The following BRSK1 variants were observed in gnomAD, a reference collection of about 807,000 sequenced individuals.
BRSK1 encodes BR serine/threonine kinase 1, also known as serine/threonine-protein kinase BRSK1.
BRSK1 carries 17 observed loss-of-function variants against 86.2 expected under a neutral mutation model. The ratio of observed to expected loss-of-function variants is 0.20; its 90% CI spans 0.14 to 0.30. The LOEUF (loss-of-function observed/expected upper bound fraction) is 0.30. Ranked by LOEUF, BRSK1 falls within the 10% of genes least tolerant of loss-of-function variation. BRSK1 has a pLI of 1.00. For synonymous variants in BRSK1, 464 were observed against 440.1 expected (o/e 1.05, Z -0.68); for missense variants, 719 against 1,071.9 (o/e 0.67, Z 4.60).
rs2088273921 is a variant in BRSK1, at chr19:55,284,231, C to T, written c.-212C>T. On this transcript the variant is annotated 5_prime_UTR_variant, in exon 1 of 19. Coordinates refer to ENST00000309383, the MANE Select transcript of BRSK1 (RefSeq NM_032430.2). ...AGCCCCCCTGGGCCATGCTGACTCCCGGGGCCTGACCCCCCCGGGCCAGCC... is the reference window on the plus strand; with the variant it reads ...AGCCCCCCTGGGCCATGCTGACTCCTGGGGCCTGACCCCCCCGGGCCAGCC... The T allele has an allele frequency of 7.2e-6, 4 of 557,810 alleles. No homozygotes were observed. Among genetic ancestry groups the T allele is most frequent in the Non-Finnish European group, 1.1e-5 (4 of 376,750 alleles). The allele number at this position is 557,810 out of a possible 1,614,324, so 34.6% of individuals were successfully genotyped here.
Position 55,303,971 on chromosome 19 carries a change from C to T in BRSK1, c.1287-79C>T. 2 of 1,533,230 alleles carry T rather than the reference C, an allele frequency of 1.3e-6. No individual in the cohort carries two copies. Among genetic ancestry groups the T allele is most frequent in the South Asian group, 1.2e-5 (1 of 82,238 alleles). 95.0% of individuals were successfully genotyped at this position (1,533,230 alleles called of 1,614,324 possible). On this transcript the variant is annotated intron_variant, in intron 12 of 18. Transcript: ENST00000309383. This position sits in a 1 kb window ranked among gnomAD's most constrained non-coding sequence, Gnocchi z 5.1. Reference sequence around the variant, plus strand: ...GGCCTCATTTCCTCACCTGGAAGGACTGTAGAAGTGAGGGAACATCTGTGG... The same window carrying T: ...GGCCTCATTTCCTCACCTGGAAGGATTGTAGAAGTGAGGGAACATCTGTGG...
chr19:55,304,649 C>A lies in BRSK1; in HGVS notation c.1446C>A (p.Gly482=), dbSNP rs2088620892. 2 of 1,515,834 alleles carry A rather than the reference C, an allele frequency of 1.3e-6. No individual in the cohort carries two copies. Among genetic ancestry groups the A allele is most frequent in the South Asian group, 2.5e-5 (2 of 78,880 alleles). The allele number at this position is 1,515,834 out of a possible 1,614,324, so 93.9% of individuals were successfully genotyped here. A position where few individuals can be genotyped will look rare whatever the true frequency, so the allele number is the denominator to read the frequency against. The stretch of plus-strand genomic sequence containing the variant: ...AAACGCAGACGCTGCCTTCTCGGGG[C>A]CCCAGGGGTGGGGGCGCCGGGGAGC... ...TSKTQTLPSR[G]PRGGGAGEQP... is the part of the protein sequence containing the mutation. Residue 482 remains glycine, a synonymous_variant, in exon 14 of 19, where the codon GGC becomes GGA. Transcript: ENST00000309383. The surrounding 1 kb of genome is among the most constrained non-coding windows in gnomAD (Gnocchi z 5.2).
intron 4 of BRSK1, among the ~76,000 whole-genome samples, chr19:55,291,968 C>T (rs2088413195): frequency 1.3e-5 from 2 of 152,132 alleles, no homozygotes; most frequent in African/African-American, 4.8e-5. Flanking sequence ...CCATGTTGGC[C>T]AGGCTGGTCT....
rs914175568 is a variant in BRSK1, at chr19:55,286,949, G to T, written c.137-58G>T. 52 of 1,546,534 alleles carry T rather than the reference G, an allele frequency of 3.4e-5. No individual in the cohort carries two copies. The African/African-American group carries it at 6.1e-4, about 18-fold the overall frequency. On this transcript the variant is annotated intron_variant, in intron 1 of 18. Transcript: ENST00000309383. The stretch of plus-strand genomic sequence containing the variant: ...ACAGGGTGGCCAAGGGGGGACATAG[G>T]CGCTGGGGACGAAGGGGACCCGGCG...
intron 4 of BRSK1, among the ~76,000 whole-genome samples, chr19:55,290,876 C>T (rs942767533): frequency 6.6e-6 from 1 of 151,896 alleles, no homozygotes; most frequent in African/African-American, 2.4e-5. Context: ...CTCCTGACCT[C>T]GTAATCCGTC....
Position 55,304,608 on chromosome 19 carries a change from G to A in BRSK1, c.1405G>A (p.Gly469Ser). The change falls in exon 14 of 19, where the codon GGC (glycine) becomes AGC (serine). Residue 469 changes from glycine to serine, a missense_variant. Gly to Ser is a moderately conservative substitution (Grantham distance 56). Around this residue, in one of 6 missense-constraint regions of BRSK1, gnomAD observed 143 missense variants for 120.1 expected, o/e 1.19. Transcript: ENST00000309383. This position sits in a 1 kb window ranked among gnomAD's most constrained non-coding sequence, Gnocchi z 5.2. ...PGAGDEARGG[G>S]SPTSKTQTLP... ...GGCTGGAGATGAGGCTCGAGGCGGGGGCTCCCCGACTTCCAAAACGCAGAC... is the reference window on the plus strand; with the variant it reads ...GGCTGGAGATGAGGCTCGAGGCGGGAGCTCCCCGACTTCCAAAACGCAGAC... 6.4e-7 allele frequency: 1 copy of A among 1,568,608 alleles called. No homozygotes were observed. The highest frequency in any genetic ancestry group is 8.6e-7 in the Non-Finnish European group (1 of 1,159,118).
chr19:55,302,010 C>T lies in BRSK1; in HGVS notation c.826-127C>T. The T allele has an allele frequency of 8.9e-7, 1 of 1,129,832 alleles. No homozygotes were observed. 70.0% of individuals were successfully genotyped at this position (1,129,832 alleles called of 1,614,324 possible). On this transcript the variant is annotated intron_variant, in intron 8 of 18. Coordinates refer to ENST00000309383, the MANE Select transcript of BRSK1 (RefSeq NM_032430.2). The surrounding 1 kb of genome is among the most constrained non-coding windows in gnomAD (Gnocchi z 6.3). ...GCCACTAGAGGGCGATGTAATATGTCATCCTGCCCCCGGTGGGGTGGGCGG... is the reference window on the plus strand; with the variant it reads ...GCCACTAGAGGGCGATGTAATATGTTATCCTGCCCCCGGTGGGGTGGGCGG...
intron 7 of BRSK1, among the ~76,000 whole-genome samples, chr19:55,301,246 C>A (rs777076221): frequency 6.6e-6 from 1 of 152,184 alleles, no homozygotes; most frequent in African/African-American, 2.4e-5. Context: ...GAGAGACAAC[C>A]GTTTCGAAAC....
At chr19:55,286,957 G>A in intron 1 of BRSK1, 50 bp from the exon 2 acceptor site, 2 of 1,580,644 alleles carry the variant, frequency 1.3e-6, no homozygotes, top group Non-Finnish European at 1.7e-6. Flanking sequence ...AGGCGCTGGG[G>A]ACGAAGGGGA....
In BRSK1 at chr19:55,302,149, C is replaced by A; in HGVS notation, c.838C>A (p.Gln280Lys). ...PEKRLSLEQI[Q>K]KHPWYLGGKH... ...ACCACCCTCACAGCTGGAGCAAATT[C>A]AGAAACATCCTTGGTACCTGTGAGT... The change falls in exon 9 of 19, where the codon CAG (glutamine) becomes AAG (lysine). Residue 280 changes from glutamine (Q) to lysine (K), a missense_variant. Physicochemically the swap from Gln to Lys is moderately conservative, Grantham distance 53 (BLOSUM62 1). Transcript: ENST00000309383. This position sits in a 1 kb window ranked among gnomAD's most constrained non-coding sequence, Gnocchi z 6.3. 1 of 1,614,168 alleles carries A rather than the reference C, an allele frequency of 6.2e-7. No individual in the cohort carries two copies. Among genetic ancestry groups the A allele is most frequent in the Non-Finnish European group, 8.5e-7 (1 of 1,180,024 alleles).
In BRSK1 at chr19:55,310,174, G is replaced by A. The variant is rs1317123897; in HGVS notation, c.2179+1446G>A. 6.6e-6 allele frequency among the ~76,000 whole-genome samples: 1 copy of A among 152,252 alleles called. No homozygotes were observed. Among genetic ancestry groups the A allele is most frequent in the African/African-American group, 2.4e-5 (1 of 41,472 alleles). ...AGCCTTGGTGGCTGAAACAACACAA[G>A]TGATTTTCGTACAGTCCTGGAGGTC... On this transcript the variant is annotated intron_variant, in intron 18 of 18. Transcript: ENST00000309383. The surrounding 1 kb of genome is among the most constrained non-coding windows in gnomAD (Gnocchi z 5.0).
At chr19:55,288,510 A>AACAAAAAAAAATGG (rs2088356410) in intron 3 of BRSK1, among the ~76,000 whole-genome samples, 1 of 150,974 alleles carries the variant, frequency 6.6e-6, no homozygotes, top group Non-Finnish European at 1.5e-5. Flanking sequence ...CAACAACAAC[A>AACAAAAAAAAATGG]ACAAAAAAAA....
At chr19:55,286,291 T>C (rs917891436) in intron 1 of BRSK1, among the ~76,000 whole-genome samples, 13 of 151,530 alleles carry the variant, frequency 8.6e-5, no homozygotes, top group African/African-American at 2.9e-4. Flanking sequence ...GGCCTGCAGC[T>C]TTAGGGGCTA....
rs780849954 is a variant in BRSK1, at chr19:55,303,847, A to T, written c.1286+21A>T. ...CAGAGGTGGGAGCCCCTGTCCCTCCAGGAGGATCCACAATCCCTGGGTCTA... is the reference window on the plus strand; with the variant it reads ...CAGAGGTGGGAGCCCCTGTCCCTCCTGGAGGATCCACAATCCCTGGGTCTA... On this transcript the variant is annotated intron_variant, in intron 12 of 18. Coordinates refer to ENST00000309383, the MANE Select transcript of BRSK1 (RefSeq NM_032430.2). The surrounding 1 kb of genome is among the most constrained non-coding windows in gnomAD (Gnocchi z 5.1). 2.6e-6 allele frequency: 4 copies of T among 1,547,516 alleles called. No homozygotes were observed. The Admixed American group carries it at 6.1e-5, about 23-fold the overall frequency.
In BRSK1 at chr19:55,294,722, CA is replaced by C. The variant is rs2088460183; in HGVS notation, c.678+327del. The stretch of plus-strand genomic sequence containing the variant: ...TCGCCATATTGGCCAGGCTGGTCTC[CA>C]ACTCCTGACCTCAGGTGATCCACCT... On this transcript the variant is annotated intron_variant, in intron 7 of 18. Coordinates refer to ENST00000309383, the MANE Select transcript of BRSK1 (RefSeq NM_032430.2). The surrounding 1 kb of genome is among the most constrained non-coding windows in gnomAD (Gnocchi z 4.9). 6.6e-6 allele frequency among the ~76,000 whole-genome samples: 1 copy of C among 151,878 alleles called. No homozygotes were observed. The highest frequency in any genetic ancestry group is 2.4e-5 in the African/African-American group (1 of 41,320).
In BRSK1 at chr19:55,306,741, A is replaced by G. The variant is rs539828008; in HGVS notation, c.2089+291A>G. Among the ~76,000 whole-genome samples, 7 of 152,268 alleles carry G rather than the reference A, an allele frequency of 4.6e-5. No homozygotes were observed. The East Asian group carries it at 1.4e-3, about 29-fold the overall frequency. The stretch of plus-strand genomic sequence containing the variant: ...AGTAATCACCCATTTTACGGAGGAG[A>G]AAACTGAGTCATAGGGAGGTCAATG... On this transcript the variant is annotated intron_variant, in intron 17 of 18. Coordinates refer to ENST00000309383, the MANE Select transcript of BRSK1 (RefSeq NM_032430.2). The surrounding 1 kb of genome is among the most constrained non-coding windows in gnomAD (Gnocchi z 4.7).
chr19:55,309,895 C>T (rs926295618), intron 18 of BRSK1, among the ~76,000 whole-genome samples: 6 of 152,144 alleles, frequency 3.9e-5, no homozygotes, highest in Admixed American at 6.6e-5. Flanking sequence ...TTGCAGGGCA[C>T]GTGGACAGCC....
At position 55,287,310 on chromosome 19, in the gene BRSK1, A is replaced by G; in HGVS notation, c.317+11A>G. 1 of 1,612,988 alleles carries G rather than the reference A, an allele frequency of 6.2e-7. No individual in the cohort carries two copies. Among genetic ancestry groups the G allele is most frequent in the Non-Finnish European group, 8.5e-7 (1 of 1,179,006 alleles). Reference sequence around the variant, plus strand: ...GAACAAGAAATATTTGTAGGTATTTATAGACACCCAGCCCTACCCCATCCT... The same window carrying G: ...GAACAAGAAATATTTGTAGGTATTTGTAGACACCCAGCCCTACCCCATCCT... On this transcript the variant is annotated intron_variant, in intron 3 of 18. Coordinates refer to ENST00000309383, the MANE Select transcript of BRSK1 (RefSeq NM_032430.2). This position sits in a 1 kb window ranked among gnomAD's most constrained non-coding sequence, Gnocchi z 5.3.
At chr19:55,295,420 A>G (rs35624599) in intron 7 of BRSK1, among the ~76,000 whole-genome samples, 3,068 of 152,276 alleles carry the variant, frequency 0.02, 52 homozygotes, top group Middle Eastern at 0.037. Context: ...CACCGAACCC[A>G]GCCCATCTCT....
Sources: gnomAD v4.1 joint callset for allele counts (sites outside exome capture counted in the v4.1 genomes callset) on GRCh38, gnomAD v4.1.1 for gene constraint, gnomAD v4.1.1 regional missense constraint, Gnocchi (gnomAD v3.1) non-coding constraint, MANE v1.5 for transcripts, NCBI Gene and HGNC (gene_info 2026-07-23, HGNC 2026-07-21) for gene names.